The following TTC28 variants were observed in gnomAD, a reference collection of about 807,000 sequenced individuals.
The protein encoded by TTC28 is tetratricopeptide repeat protein 28.
TTC28 carries 61 observed loss-of-function variants against 198.0 expected under a neutral mutation model. The observed-to-expected ratio is 0.31, with a 90% CI of 0.25 to 0.38. TTC28 has a LOEUF of 0.38. Among genes scored for constraint, TTC28 ranks in the 10% least tolerant of loss-of-function variants. TTC28 has a pLI of 1.00. For synonymous variants in TTC28, 1,171 were observed against 1,297.8 expected, an observed-to-expected ratio of 0.90 and a Z score of 2.10; for missense variants, 2,678 against 3,164.0, an observed-to-expected ratio of 0.85 and a Z score of 3.69.
intron 6 of TTC28, among the ~76,000 whole-genome samples, chr22:28,117,712 A>AT (rs758138158): frequency 2.0e-4 from 30 of 152,340 alleles, no homozygotes; most frequent in Admixed American, 5.9e-4. Flanking sequence ...GATACCATAC[A>AT]TTTTGTCACC....
chr22:28,035,251 C>G (rs1312409941), intron 12 of TTC28, among the ~76,000 whole-genome samples: 2 of 152,154 alleles, frequency 1.3e-5, no homozygotes, highest in Non-Finnish European at 2.9e-5. Flanking sequence ...CAATTGCAAC[C>G]CTGAAGCTGA....
intron 1 of TTC28, among the ~76,000 whole-genome samples, chr22:28,676,058 C>T (rs1351114326): frequency 2.6e-5 from 4 of 151,854 alleles, no homozygotes; most frequent in Non-Finnish European, 4.4e-5. Flanking sequence ...AAAATTTGTA[C>T]ACAAATGTTC....
At position 27,983,296 on chromosome 22, in the gene TTC28, T is replaced by G. The variant is rs562943069; in HGVS notation, c.6371A>C (p.Lys2124Thr). Residue 2124 changes from lysine (K) to threonine (T), a missense_variant, in exon 23 of 23, where the codon AAG becomes ACG. By Grantham distance (78) the Lys-to-Thr change is moderately conservative. This residue lies in a region of TTC28 where 622 missense variants were observed against 656.0 expected (regional missense o/e 0.95). Coordinates refer to ENST00000397906, the MANE Select transcript of TTC28 (RefSeq NM_001145418.2). The stretch of plus-strand genomic sequence containing the variant: ...ATCTGAGCTTGCTAGTTTTCCCACC[T>G]TTTGGAAGGGTGAGTTGGGGCTGGG... ...LIPSPNSPFQKVGKLASSDTG... is the reference protein window; with the variant it reads ...LIPSPNSPFQTVGKLASSDTG... 1 of 1,552,070 alleles carries G rather than the reference T, an allele frequency of 6.4e-7. No homozygotes were observed. Among genetic ancestry groups the G allele is most frequent in the East Asian group, 2.4e-5 (1 of 40,896 alleles).
At chr22:28,342,540 T>C (rs1377811094) in intron 2 of TTC28, among the ~76,000 whole-genome samples, 1 of 152,056 alleles carries the variant, frequency 6.6e-6, no homozygotes, top group Non-Finnish European at 1.5e-5. Context: ...TCGGCTTAAA[T>C]TGCTTTAAAA....
At chr22:28,621,336 A>T (rs2050991348) in intron 2 of TTC28, among the ~76,000 whole-genome samples, 1 of 152,224 alleles carries the variant, frequency 6.6e-6, no homozygotes, top group South Asian at 2.1e-4. Context: ...AGTAAGAATG[A>T]AACTATAAGA....
At chr22:28,456,305 T>G (rs1332572450) in intron 2 of TTC28, among the ~76,000 whole-genome samples, 1 of 152,050 alleles carries the variant, frequency 6.6e-6, no homozygotes, top group African/African-American at 2.4e-5. Context: ...AGTAGATTAG[T>G]GGTCACTGGG....
chr22:28,011,982 C>G (rs1938183019), intron 14 of TTC28, among the ~76,000 whole-genome samples: 1 of 152,140 alleles, frequency 6.6e-6, no homozygotes, highest in Non-Finnish European at 1.5e-5. Flanking sequence ...CAAAGGGAGA[C>G]AGGCAAAGGC....
Position 28,401,590 on chromosome 22 carries a change from G to A in TTC28, c.382-94947C>T, listed in dbSNP as rs1408770350. Among the ~76,000 whole-genome samples the A allele has an allele frequency of 2.0e-5, 3 of 151,982 alleles. No individual in the cohort carries two copies. In the East Asian group the frequency reaches 5.8e-4, roughly 29 times the overall value. On this transcript the variant is annotated intron_variant, in intron 2 of 22. Transcript: ENST00000397906. ...AGATCGCACCACTGTACTCCAGCAT[G>A]GGCAACAGAGCAAGACTGTCTCAAA...
chr22:28,318,209 G>A (rs78424430), intron 2 of TTC28, among the ~76,000 whole-genome samples: 2,991 of 151,816 alleles, frequency 0.02, 61 homozygotes, highest in South Asian at 0.047. Context: ...TGCCCCGGCC[G>A]CCTCCACTGC....
intron 2 of TTC28, among the ~76,000 whole-genome samples, chr22:28,465,139 T>C (rs1329823934): frequency 1.3e-5 from 2 of 152,244 alleles, no homozygotes; most frequent in East Asian, 3.8e-4. Context: ...TTGTCTCATT[T>C]GGTAGAAAAA....
At chr22:28,398,454 G>A (rs1180569220) in intron 2 of TTC28, among the ~76,000 whole-genome samples, 3 of 152,176 alleles carry the variant, frequency 2.0e-5, no homozygotes, top group African/African-American at 4.8e-5. Flanking sequence ...ATAAAGAAGG[G>A]ATGAAAGATG....
chr22:28,338,359 T>C (rs1183668254), intron 2 of TTC28, among the ~76,000 whole-genome samples: 1 of 152,212 alleles, frequency 6.6e-6, no homozygotes, highest in Non-Finnish European at 1.5e-5. Flanking sequence ...TGGCGTTCTC[T>C]GTATTTCCTG....
At chr22:27,999,444 G>T in intron 15 of TTC28, 184 bp from the exon 16 acceptor site, 1 of 879,490 alleles carries the variant, frequency 1.1e-6, no homozygotes, top group Non-Finnish European at 1.7e-6. Flanking sequence ...CTAACTTACT[G>T]AGAATCATGC....
At chr22:28,338,051 C>G (rs559281757) in intron 2 of TTC28, among the ~76,000 whole-genome samples, 19 of 152,206 alleles carry the variant, frequency 1.2e-4, no homozygotes, top group South Asian at 4.2e-4. Context: ...GACAAAATCT[C>G]TCAGCATTTG....
chr22:28,130,811 T>A (rs560246949), intron 6 of TTC28, among the ~76,000 whole-genome samples: 9 of 152,368 alleles, frequency 5.9e-5, no homozygotes, highest in African/African-American at 2.2e-4. Flanking sequence ...TGTTTGTTTT[T>A]GTTTTTTACT....
At chr22:28,446,534 C>G (rs1165965441) in intron 2 of TTC28, among the ~76,000 whole-genome samples, 1 of 152,120 alleles carries the variant, frequency 6.6e-6, no homozygotes, top group Non-Finnish European at 1.5e-5. Flanking sequence ...CACTTGAGAG[C>G]TGGTTGTTTA....
At chr22:28,207,258 T>C (rs1926504606) in intron 5 of TTC28, among the ~76,000 whole-genome samples, 1 of 146,096 alleles carries the variant, frequency 6.8e-6, no homozygotes, top group African/African-American at 2.5e-5. Flanking sequence ...AAAACAGGCC[T>C]TCAATAAATA....
intron 2 of TTC28, among the ~76,000 whole-genome samples, chr22:28,498,583 C>T (rs1338949782): frequency 1.3e-5 from 2 of 152,174 alleles, no homozygotes; most frequent in African/African-American, 2.4e-5. Flanking sequence ...CCGAAAGGGG[C>T]TCCCTTGGTT....
intron 2 of TTC28, among the ~76,000 whole-genome samples, chr22:28,426,993 T>A (rs1451254977): frequency 6.6e-6 from 1 of 152,256 alleles, no homozygotes; most frequent in Non-Finnish European, 1.5e-5. Flanking sequence ...AAGGGAACTA[T>A]GCTCTCTTAT....
Sources: allele counts gnomAD v4.1 joint callset (sites outside exome capture counted in the v4.1 genomes callset), GRCh38; gene constraint gnomAD v4.1.1; regional missense constraint gnomAD v4.1.1; transcripts MANE v1.5; gene names NCBI Gene and HGNC (gene_info 2026-07-23, HGNC 2026-07-21).